Variants in DCTN5 observed in about 807,000 individuals in gnomAD.
DCTN5 encodes dynactin subunit 5, also known as dynactin 4.
Under a neutral mutation model 23.5 loss-of-function variants are expected in DCTN5, and 14 were observed. The ratio of observed to expected loss-of-function variants is 0.60; its 90% CI spans 0.39 to 0.93. The LOEUF is 0.93. DCTN5 is among the 40% of genes least tolerant of loss of function. The probability of loss-of-function intolerance (pLI) is 0.00; values close to 1 mark genes in which losing one functional copy is unlikely to be tolerated. For missense variants in DCTN5, 156 were observed against 225.9 expected (o/e 0.69, Z 1.98); for synonymous variants, 67 against 79.6 (o/e 0.84, Z 0.84).
At chr16:23,665,042 C>G (rs1170262832) in intron 4 of DCTN5, among the ~76,000 whole-genome samples, 2 of 152,218 alleles carry the variant, frequency 1.3e-5, no homozygotes, top group African/African-American at 4.8e-5. Context: ...GTTCTTCCTT[C>G]ATGGAAATAA....
intron 2 of DCTN5, among the ~76,000 whole-genome samples, chr16:23,658,215 A>G (rs1336749673): frequency 6.6e-6 from 1 of 152,228 alleles, no homozygotes; most frequent in Non-Finnish European, 1.5e-5. Flanking sequence ...CTAAAGAGAC[A>G]TATAAGCCAG....
chr16:23,646,353 T>G (rs1160656555), intron 2 of DCTN5, among the ~76,000 whole-genome samples: 1 of 152,232 alleles, frequency 6.6e-6, no homozygotes, highest in Non-Finnish European at 1.5e-5. Context: ...ATATATGATT[T>G]GCAAATGCTT....
At position 23,661,346 on chromosome 16, in the gene DCTN5, G is replaced by A. The variant is rs544498828; in HGVS notation, c.348+65G>A. ...CCCTTCAGCTCCCATCCCTCACTTC[G>A]GTGGGACCCTGTTTCTGTGACTAAG... is the stretch of plus-strand genomic sequence containing the variant. On this transcript the variant is annotated intron_variant, in intron 4 of 5. Coordinates refer to ENST00000300087, the MANE Select transcript of DCTN5 (RefSeq NM_032486.4). The A allele has an allele frequency of 2.7e-4, 314 of 1,153,406 alleles. 2 individuals carry two copies. The African/African-American group carries it at 4.0e-3, about 15-fold the overall frequency. 71.4% of individuals were successfully genotyped at this position (1,153,406 alleles called of 1,614,324 possible).
At chr16:23,653,478 C>A (rs1422556780) in intron 2 of DCTN5, among the ~76,000 whole-genome samples, 1 of 152,166 alleles carries the variant, frequency 6.6e-6, no homozygotes. Flanking sequence ...ATAAATGGTG[C>A]TTGGATAACT....
In DCTN5 at chr16:23,663,647, T is replaced by C. The variant is rs194099; in HGVS notation, c.349-1979T>C. ...AGGAGAATCGCTTGAACCCAGGAGG[T>C]GGAGGTTGCAGTGAGCCGAGATCGC... On this transcript the variant is annotated intron_variant, in intron 4 of 5. Transcript: ENST00000300087. Among the ~76,000 whole-genome samples the C allele has an allele frequency of 3.6e-3, 546 of 151,736 alleles. 2 individuals are homozygous for C. The highest frequency in any genetic ancestry group is 5.3e-3 in the Non-Finnish European group (358 of 67,914).
intron 3 of DCTN5, among the ~76,000 whole-genome samples, chr16:23,659,017 C>G (rs1967763804): frequency 6.6e-6 from 1 of 152,112 alleles, no homozygotes; most frequent in African/African-American, 2.4e-5. Flanking sequence ...CTATACTGCC[C>G]TTCTCTCTGC....
At position 23,669,653 on chromosome 16, in the gene DCTN5, G is replaced by C. The variant is rs1207570808; in HGVS notation, c.*2509G>C. 1 of 152,590 alleles carries C rather than the reference G, an allele frequency of 6.6e-6. No individual in the cohort carries two copies. Among genetic ancestry groups the C allele is most frequent in the African/African-American group, 2.4e-5 (1 of 41,428 alleles). 9.5% of individuals were successfully genotyped at this position (152,590 alleles called of 1,614,324 possible). A position where few individuals can be genotyped will look rare whatever the true frequency, so the allele number is the denominator to read the frequency against. ...GGCAGGACAAAGCATCAGCTGTCCAGTTCAGGCCTCTCCTCTTTCCCTGGT... is the reference window on the plus strand; with the variant it reads ...GGCAGGACAAAGCATCAGCTGTCCACTTCAGGCCTCTCCTCTTTCCCTGGT... On this transcript the variant is annotated 3_prime_UTR_variant, in exon 6 of 6. Coordinates refer to ENST00000300087, the MANE Select transcript of DCTN5 (RefSeq NM_032486.4).
Position 23,669,713 on chromosome 16 carries a change from AC to A in DCTN5, c.*2572del, listed in dbSNP as rs1297074814. 1.3e-5 allele frequency: 2 copies of A among 151,524 alleles called. No homozygotes were observed. The highest frequency in any genetic ancestry group is 4.9e-5 in the African/African-American group (2 of 41,000). The allele number at this position is 151,524 out of a possible 1,614,324, so 9.4% of individuals were successfully genotyped here. ...TTCCTCCGTCTCCCTGCTGTCCCTT[AC>A]CCTCTGCCCAATCTCTCATTACTCC... On this transcript the variant is annotated 3_prime_UTR_variant, in exon 6 of 6. Coordinates refer to ENST00000300087, the MANE Select transcript of DCTN5 (RefSeq NM_032486.4).
chr16:23,667,948 G>C lies in DCTN5; in HGVS notation c.*804G>C, dbSNP rs1017132437. ...GAAGACACCGCATTTGTGAACTCTT[G>C]CTTCCTGGCCTAGAACCATTCAGCC... On this transcript the variant is annotated 3_prime_UTR_variant, in exon 6 of 6. Coordinates refer to ENST00000300087, the MANE Select transcript of DCTN5 (RefSeq NM_032486.4). 1 of 152,194 alleles carries C rather than the reference G, an allele frequency of 6.6e-6. No homozygotes were observed. The highest frequency in any genetic ancestry group is 1.5e-5 in the Non-Finnish European group (1 of 68,046). The allele number at this position is 152,194 out of a possible 1,614,324, so 9.4% of individuals were successfully genotyped here.
intron 2 of DCTN5, chr16:23,650,618 C>T (rs930661476): frequency 1.0e-5 from 8 of 777,104 alleles, no homozygotes; most frequent in African/African-American, 1.7e-5. Context: ...AGCCACTGCA[C>T]CCGGCTGGCC....
At chr16:23,665,789 C>T (rs561002512) in intron 5 of DCTN5, 61 bp downstream of exon 5, 7 of 1,403,746 alleles carry the variant, frequency 5.0e-6, no homozygotes, top group African/African-American at 4.2e-5. Context: ...TATTTTCCAT[C>T]GCAAAAGTAA....
chr16:23,667,808 T>G lies in DCTN5; in HGVS notation c.*664T>G, dbSNP rs1967934136. 1 of 152,286 alleles carries G rather than the reference T, an allele frequency of 6.6e-6. No individual in the cohort carries two copies. The highest frequency in any genetic ancestry group is 2.1e-4 in the South Asian group (1 of 4,826). 9.4% of individuals were successfully genotyped at this position (152,286 alleles called of 1,614,324 possible). On this transcript the variant is annotated 3_prime_UTR_variant, in exon 6 of 6. Coordinates refer to ENST00000300087, the MANE Select transcript of DCTN5 (RefSeq NM_032486.4). Reference sequence around the variant, plus strand: ...TAGGGCCTTTGGCTTTCACTAAAAGTGGGGACCTCAGTATCCCAGATTGTA... The same window carrying G: ...TAGGGCCTTTGGCTTTCACTAAAAGGGGGGACCTCAGTATCCCAGATTGTA...
At chr16:23,659,745 C>A (rs764691999) in intron 3 of DCTN5, among the ~76,000 whole-genome samples, 2 of 152,116 alleles carry the variant, frequency 1.3e-5, no homozygotes, top group Non-Finnish European at 2.9e-5. Flanking sequence ...CCATGACATA[C>A]AAGAACTGGA....
rs373532925 is a variant in DCTN5, at chr16:23,667,220, CA to C, written c.*79del. The stretch of plus-strand genomic sequence containing the variant: ...GACAAAGTGAGCCAGTCAGCACCTA[CA>C]AAGAGCTTTTGTGTCTTTGACATCT... On this transcript the variant is annotated 3_prime_UTR_variant, in exon 6 of 6. Transcript: ENST00000300087. 7.7e-5 allele frequency: 122 copies of C among 1,580,480 alleles called. No individual in the cohort carries two copies. The East Asian group carries it at 8.8e-4, about 11-fold the overall frequency.
Position 23,641,604 on chromosome 16 carries a change from G to C in DCTN5, c.48+14G>C, listed in dbSNP as rs764641934. 3 of 1,613,892 alleles carry C rather than the reference G, an allele frequency of 1.9e-6. No individual in the cohort carries two copies. Among genetic ancestry groups the C allele is most frequent in the Non-Finnish European group, 2.5e-6 (3 of 1,179,860 alleles). On this transcript the variant is annotated intron_variant, in intron 1 of 5. Transcript: ENST00000300087. Reference sequence around the variant, plus strand: ...TACATCGAGACGGTGCGCGGGTCCAGATATGTATCCTCCTCTTTCCAACCC... The same window carrying C: ...TACATCGAGACGGTGCGCGGGTCCACATATGTATCCTCCTCTTTCCAACCC...
At chr16:23,645,089 A>ATATC (rs1967400692) in intron 2 of DCTN5, among the ~76,000 whole-genome samples, 1 of 11,670 alleles carries the variant, frequency 8.6e-5, no homozygotes, top group South Asian at 2.9e-3. Flanking sequence ...CTAACTATAT[A>ATATC]TATATATATA....
rs561636036 is a variant in DCTN5 at position 23,676,141 on chromosome 16, C to T, written c.*8997C>T. ...CCTGGAAAGCATTTGGGTTAGCTTC[C>T]GCTTACTGGTCAGAGTTATACTGTG... On this transcript the variant is annotated 3_prime_UTR_variant, in exon 6 of 6. Coordinates refer to ENST00000300087, the MANE Select transcript of DCTN5 (RefSeq NM_032486.4). The T allele has an allele frequency of 6.6e-6, 1 of 151,756 alleles. No homozygotes were observed. The highest frequency in any genetic ancestry group is 2.4e-5 in the African/African-American group (1 of 41,280). The allele number at this position is 151,756 out of a possible 1,614,324, so 9.4% of individuals were successfully genotyped here.
intron 4 of DCTN5, 64 bp downstream of exon 4, chr16:23,661,345 C>T (rs1438441560): frequency 7.0e-6 from 8 of 1,144,510 alleles, no homozygotes; most frequent in East Asian, 2.4e-5. Flanking sequence ...TCCCTCACTT[C>T]GGTGGGACCC....
chr16:23,641,929 CT>C (rs1204768012), intron 1 of DCTN5, among the ~76,000 whole-genome samples: 2 of 151,196 alleles, frequency 1.3e-5, no homozygotes, highest in Admixed American at 6.6e-5. Context: ...CGATTCGGTT[CT>C]TTTTTTTTGA....
Sources: gnomAD v4.1 joint callset for allele counts (sites outside exome capture counted in the v4.1 genomes callset) on GRCh38, gnomAD v4.1.1 for gene constraint, MANE v1.5 for transcripts, NCBI Gene and HGNC (gene_info 2026-07-23, HGNC 2026-07-21) for gene names.